The following BIRC6 variants were observed in gnomAD, a reference collection of about 807,000 sequenced individuals.
BIRC6 encodes dual E2 ubiquitin-conjugating enzyme/E3 ubiquitin-protein ligase BIRC6.
In BIRC6, 98 loss-of-function variants were observed where a neutral mutation model predicts 503.3. The observed-to-expected ratio is 0.19, with a 90% confidence interval of 0.17 to 0.23. The LOEUF is 0.23. Among genes scored for constraint, BIRC6 ranks in the 10% least tolerant of loss-of-function variants. BIRC6 has a pLI of 1.00. For missense variants in BIRC6, 5,360 were observed against 5,806.0 expected (o/e 0.92, Z 2.50); for synonymous variants, 2,240 against 2,078.7 (o/e 1.08, Z -2.11).
intron 4 of BIRC6, among the ~76,000 whole-genome samples, chr2:32,389,209 A>G (rs2038897330): frequency 6.6e-6 from 1 of 152,188 alleles, no homozygotes; most frequent in Admixed American, 6.5e-5. Flanking sequence ...TGGAAATTCC[A>G]GTTTAGTACT....
intron 1 of BIRC6, among the ~76,000 whole-genome samples, chr2:32,365,327 C>CTTT (rs35830300): frequency 4.2e-5 from 6 of 143,572 alleles, no homozygotes; most frequent in Admixed American, 1.4e-4. Flanking sequence ...ATAAATGTTA[C>CTTT]TTTTTTTTTT....
intron 10 of BIRC6, 124 bp from the exon 11 acceptor site, chr2:32,429,022 C>A: frequency 2.4e-6 from 2 of 818,960 alleles, no homozygotes; most frequent in Non-Finnish European, 3.5e-6. Context: ...GGAAATACAT[C>A]ACATTGGTAG....
intron 33 of BIRC6, 145 bp downstream of exon 33, chr2:32,473,384 A>T: frequency 1.6e-6 from 1 of 642,418 alleles, no homozygotes; most frequent in Non-Finnish European, 2.6e-6. Flanking sequence ...GGAGACTTCA[A>T]TTTCCTTAAT....
chr2:32,481,278 G>T, intron 37 of BIRC6, 42 bp from the exon 38 acceptor site: 2 of 1,443,490 alleles, frequency 1.4e-6, no homozygotes, highest in Non-Finnish European at 1.8e-6. Flanking sequence ...TAAATTTTAT[G>T]TGATACACTC....
intron 61 of BIRC6, among the ~76,000 whole-genome samples, chr2:32,537,455 A>T (rs946716906): frequency 6.6e-6 from 1 of 152,164 alleles, no homozygotes. Flanking sequence ...AGGATTAAGA[A>T]ACTCACTACA....
intron 66 of BIRC6, among the ~76,000 whole-genome samples, chr2:32,589,251 C>A (rs2061256718): frequency 6.6e-6 from 1 of 152,202 alleles, no homozygotes; most frequent in Non-Finnish European, 1.5e-5. Flanking sequence ...CTTTGAACAG[C>A]ATTGAAGCAA....
rs367668411 is a variant in BIRC6 at position 32,414,006 on chromosome 2, T to G, written c.1478-763T>G. On this transcript the variant is annotated intron_variant, in intron 9 of 73. Coordinates refer to ENST00000421745, the MANE Select transcript of BIRC6 (RefSeq NM_016252.4). ...CATCCATTTTTAAAAAAAGAAAGTT[T>G]TCCGGCTGGGCACGGTGGCTCATGC... is the stretch of plus-strand genomic sequence containing the variant. Among the ~76,000 whole-genome samples the G allele has an allele frequency of 1.1e-3, 162 of 152,294 alleles. 1 individual carries two copies. Among genetic ancestry groups the G allele is most frequent in the African/African-American group, 3.8e-3 (160 of 41,580 alleles).
In BIRC6 at chr2:32,469,238, A is replaced by G. The variant is rs2048875991; in HGVS notation, c.6128-157A>G. 2.0e-5 allele frequency among the ~76,000 whole-genome samples: 3 copies of G among 152,254 alleles called. No homozygotes were observed. In the South Asian group the frequency reaches 6.2e-4, roughly 31 times the overall value. On this transcript the variant is annotated intron_variant, in intron 29 of 73. Coordinates refer to ENST00000421745, the MANE Select transcript of BIRC6 (RefSeq NM_016252.4). ...ATATTTTCGTCTCCAAGTATGTAAC[A>G]GATTTCTACATACAAGGAGTAAATA...
chr2:32,566,891 A>G (rs1218232493), intron 65 of BIRC6, among the ~76,000 whole-genome samples: 1 of 152,156 alleles, frequency 6.6e-6, no homozygotes, highest in Non-Finnish European at 1.5e-5. Flanking sequence ...TAGTATTCTA[A>G]TAGTATTTCT....
intron 65 of BIRC6, among the ~76,000 whole-genome samples, chr2:32,571,400 T>TTTTG (rs2059905940): frequency 6.8e-6 from 1 of 147,666 alleles, no homozygotes; most frequent in African/African-American, 2.5e-5. Context: ...TTTTTTTTTT[T>TTTTG]TTGTTGGGAG....
chr2:32,421,896 T>G (rs979177691), intron 10 of BIRC6, among the ~76,000 whole-genome samples: 10 of 152,224 alleles, frequency 6.6e-5, no homozygotes, highest in Non-Finnish European at 1.0e-4. Context: ...ATATTGAGCC[T>G]TCTTCTATCA....
chr2:32,537,721 C>CT (rs1378681124), intron 61 of BIRC6, among the ~76,000 whole-genome samples: 7 of 152,182 alleles, frequency 4.6e-5, no homozygotes, highest in Non-Finnish European at 8.8e-5. Flanking sequence ...AATCCCAGCA[C>CT]TTTGGGAGGC....
At chr2:32,568,503 A>C (rs954050457) in intron 65 of BIRC6, among the ~76,000 whole-genome samples, 3 of 150,992 alleles carry the variant, frequency 2.0e-5, no homozygotes, top group African/African-American at 4.8e-5. Flanking sequence ...AAAAAAAAAA[A>C]AAAAAGGAAA....
In BIRC6 at chr2:32,464,693, T is replaced by A; in HGVS notation, c.5126T>A (p.Leu1709His). The A allele has an allele frequency of 6.2e-7, 1 of 1,613,960 alleles. No individual in the cohort carries two copies. The highest frequency in any genetic ancestry group is 8.5e-7 in the Non-Finnish European group (1 of 1,179,884). The change falls in exon 25 of 74, where the codon CTC becomes CAC. Residue 1709 changes from leucine to histidine, a missense_variant. Leu to His is a moderately conservative substitution (Grantham distance 99). Transcript: ENST00000421745. ...ACACCTCTTTTTATGACTCCACCAC[T>A]CACTCCACCCAATGAAGCAGTTTCC... ...KTTPLFMTPPLTPPNEAVSVV... is the reference protein window; with the variant it reads ...KTTPLFMTPPHTPPNEAVSVV...
At chr2:32,380,391 T>C (rs192484104) in intron 3 of BIRC6, 101 bp downstream of exon 3, 48 of 1,385,416 alleles carry the variant, frequency 3.5e-5, no homozygotes, top group Non-Finnish European at 4.3e-5. Flanking sequence ...GTTCTAATTC[T>C]AGATTTTTCT....
Position 32,501,724 on chromosome 2 carries a change from T to G in BIRC6, c.9043T>G (p.Leu3015Val). The G allele has an allele frequency of 6.2e-6, 10 of 1,610,024 alleles. No individual in the cohort carries two copies. Among genetic ancestry groups the G allele is most frequent in the Non-Finnish European group, 8.5e-6 (10 of 1,178,724 alleles). Residue 3015 changes from leucine (L) to valine (V), a missense_variant, in exon 47 of 74, where the codon TTA becomes GTA. By Grantham distance (32) the Leu-to-Val change is conservative. Around this residue, in one of 16 missense-constraint regions of BIRC6, gnomAD observed 267 missense variants for 287.6 expected, o/e 0.93. Transcript: ENST00000421745. ...TTTATTTTTCTTAGGAGCAAGTGGA[T>G]TACATCTCACTAAACATGAAAACTT... ...AMAMIIGASG[L>V]HLTKHENFHG...
At chr2:32,420,655 A>G (rs940876038) in intron 10 of BIRC6, among the ~76,000 whole-genome samples, 27 of 152,150 alleles carry the variant, frequency 1.8e-4, no homozygotes, top group African/African-American at 6.0e-4. Flanking sequence ...CTGGGACTAC[A>G]GGTACACCAC....
Position 32,529,831 on chromosome 2 carries a change from G to C in BIRC6, c.12094+7G>C. The C allele has an allele frequency of 6.4e-7, 1 of 1,562,662 alleles. No homozygotes were observed. On this transcript the variant is annotated splice_region_variant and intron_variant, in intron 60 of 73. Coordinates refer to ENST00000421745, the MANE Select transcript of BIRC6 (RefSeq NM_016252.4). Reference sequence around the variant, plus strand: ...AGACTACACCCTGAAAAAGGTATGTGCATAATACTACTTTAAAAATTACAG... The same window carrying C: ...AGACTACACCCTGAAAAAGGTATGTCCATAATACTACTTTAAAAATTACAG...
chr2:32,385,266 T>C (rs2038273781), intron 3 of BIRC6, among the ~76,000 whole-genome samples: 1 of 152,234 alleles, frequency 6.6e-6, no homozygotes, highest in African/African-American at 2.4e-5. Flanking sequence ...CCCATGAAGC[T>C]ATTGATGTAG....
Sources: gnomAD v4.1 joint callset for allele counts (sites outside exome capture counted in the v4.1 genomes callset) on GRCh38, gnomAD v4.1.1 for gene constraint, gnomAD v4.1.1 regional missense constraint, MANE v1.5 for transcripts, NCBI Gene and HGNC (gene_info 2026-07-23, HGNC 2026-07-21) for gene names.